WDR7: variants seen among roughly 807,000 people sequenced by gnomAD.
WDR7 encodes the protein WD repeat-containing protein 7.
A neutral mutation model predicts 169.4 loss-of-function variants in WDR7; 46 were observed. The ratio of observed to expected loss-of-function variants is 0.27; its 90% CI spans 0.21 to 0.35. WDR7 has a LOEUF of 0.35. Among genes scored for constraint, WDR7 ranks in the 10% least tolerant of loss-of-function variants. WDR7 has a pLI of 1.00. For synonymous variants in WDR7, 612 were observed against 666.8 expected (o/e 0.92, Z 1.27); for missense variants, 1,534 against 1,859.3 (o/e 0.83, Z 3.22).
intron 14 of WDR7, among the ~76,000 whole-genome samples, chr18:56,756,046 G>T (rs1304269706): frequency 1.3e-5 from 2 of 152,116 alleles, no homozygotes; most frequent in Non-Finnish European, 2.9e-5. Flanking sequence ...AAATAGAAAA[G>T]GGAGCATGGT....
At position 56,867,697 on chromosome 18, in the gene WDR7, A is replaced by T. The variant is rs942126398; in HGVS notation, c.3305-12247A>T. 4.6e-5 allele frequency among the ~76,000 whole-genome samples: 7 copies of T among 152,186 alleles called. 1 individual carries two copies. The East Asian group carries it at 1.3e-3, about 29-fold the overall frequency. On this transcript the variant is annotated intron_variant, in intron 20 of 27. Coordinates refer to ENST00000254442, the MANE Select transcript of WDR7 (RefSeq NM_015285.3). ...ACATTAAACTTTTCCCCTACTGTTT[A>T]TTTCAGGAGTAGTAGCATTTCCAAA...
At chr18:56,855,777 C>T (rs2045711577) in intron 20 of WDR7, among the ~76,000 whole-genome samples, 1 of 152,090 alleles carries the variant, frequency 6.6e-6, no homozygotes, top group Non-Finnish European at 1.5e-5. Context: ...CTTGGTTATT[C>T]TTGGCCCTTT....
chr18:56,711,026 T>A (rs559742304), intron 12 of WDR7, among the ~76,000 whole-genome samples: 3 of 152,218 alleles, frequency 2.0e-5, no homozygotes, highest in Admixed American at 2.0e-4. Flanking sequence ...TTAGTTTTTT[T>A]TTTTAAAAGA....
chr18:56,668,513 AGCT>A (rs1043641945), intron 1 of WDR7, among the ~76,000 whole-genome samples: 2 of 152,172 alleles, frequency 1.3e-5, no homozygotes, highest in African/African-American at 4.8e-5. Context: ...CCCACTGGAT[AGCT>A]GAATTGTGTC....
intron 25 of WDR7, among the ~76,000 whole-genome samples, chr18:56,955,795 A>G (rs2047242776): frequency 6.6e-6 from 1 of 152,266 alleles, no homozygotes; most frequent in East Asian, 1.9e-4. Flanking sequence ...CAATACTTTA[A>G]TAAGTACCAT....
intron 19 of WDR7, among the ~76,000 whole-genome samples, chr18:56,798,307 G>A (rs778748547): frequency 3.9e-4 from 59 of 152,284 alleles, no homozygotes; most frequent in South Asian, 1.2e-3. Flanking sequence ...ACATAACTCA[G>A]TTCACTTGAC....
chr18:56,844,373 A>T (rs186916753), intron 20 of WDR7, among the ~76,000 whole-genome samples: 1 of 152,166 alleles, frequency 6.6e-6, no homozygotes, highest in East Asian at 1.9e-4. Context: ...ATTAGAATAA[A>T]TTTTTCCTCA....
chr18:56,795,885 A>G (rs1451088470), intron 19 of WDR7, among the ~76,000 whole-genome samples: 4 of 152,220 alleles, frequency 2.6e-5, no homozygotes, highest in Non-Finnish European at 5.9e-5. Flanking sequence ...CCAAGTTGAT[A>G]ACACAGTTAC....
rs138144183 is a variant in WDR7, at chr18:56,729,858, A to G, written c.1775-1525A>G. ...CTAAAAGTGTATTACCAGTTTTCTT[A>G]CATACTTGAGAATGCTGAATATCTG... is the stretch of plus-strand genomic sequence containing the variant. On this transcript the variant is annotated intron_variant, in intron 13 of 27. Transcript: ENST00000254442. 4.1e-3 allele frequency among the ~76,000 whole-genome samples: 622 copies of G among 152,324 alleles called. 6 individuals carry two copies. The highest frequency in any genetic ancestry group is 0.028 in the South Asian group (133 of 4,820).
chr18:56,736,022 G>T (rs977605759), intron 14 of WDR7, among the ~76,000 whole-genome samples: 1 of 152,172 alleles, frequency 6.6e-6, no homozygotes, highest in African/African-American at 2.4e-5. Flanking sequence ...GAGTGGTTAA[G>T]AGCCTGGGTT....
intron 26 of WDR7, among the ~76,000 whole-genome samples, chr18:57,019,506 T>C (rs1359124258): frequency 6.6e-6 from 1 of 152,160 alleles, no homozygotes; most frequent in Admixed American, 6.5e-5. Context: ...AGCCCAGTTC[T>C]ATACCAACAT....
At chr18:56,847,773 G>A (rs1463545193) in intron 20 of WDR7, among the ~76,000 whole-genome samples, 1 of 152,228 alleles carries the variant, frequency 6.6e-6, no homozygotes, top group Non-Finnish European at 1.5e-5. Flanking sequence ...ATTCCAGAGG[G>A]CGAAAGCTAT....
chr18:57,012,026 A>G (rs1025519304), intron 26 of WDR7, among the ~76,000 whole-genome samples: 6 of 152,276 alleles, frequency 3.9e-5, no homozygotes, highest in Middle Eastern at 6.8e-3. Context: ...ACTGAGGACC[A>G]GGGAGGGAGG....
At chr18:56,685,128 A>G (rs914484239) in intron 5 of WDR7, among the ~76,000 whole-genome samples, 1 of 152,218 alleles carries the variant, frequency 6.6e-6, no homozygotes, top group African/African-American at 2.4e-5. Flanking sequence ...TGATATTGAT[A>G]AGGTTTTTAT....
At position 56,685,984 on chromosome 18, in the gene WDR7, T is replaced by C; in HGVS notation, c.549T>C (p.Thr183=). The C allele has an allele frequency of 6.2e-7, 1 of 1,602,272 alleles. No homozygotes were observed. The highest frequency in any genetic ancestry group is 8.5e-7 in the Non-Finnish European group (1 of 1,176,224). ...QEDTVVALSV[T]GILKVWIVTS... The stretch of plus-strand genomic sequence containing the variant: ...ACACAGTGGTAGCACTCTCGGTGAC[T>C]GGCATCCTGAAGGTCTGGATTGTTA... Residue 183 remains threonine (T), a synonymous_variant, in exon 6 of 28, where the codon ACT becomes ACC. Transcript: ENST00000254442.
intron 25 of WDR7, among the ~76,000 whole-genome samples, chr18:56,951,639 G>A (rs951353195): frequency 1.3e-5 from 2 of 151,896 alleles, no homozygotes; most frequent in African/African-American, 4.8e-5. Context: ...ATACACACGT[G>A]ATGTATATAT....
intron 22 of WDR7, among the ~76,000 whole-genome samples, chr18:56,927,603 C>T (rs2046824977): frequency 6.6e-6 from 1 of 151,904 alleles, no homozygotes; most frequent in African/African-American, 2.4e-5. Flanking sequence ...AACAGTGAGA[C>T]CCGACTCTTA....
intron 1 of WDR7, among the ~76,000 whole-genome samples, chr18:56,661,588 C>T (rs2024905318): frequency 6.6e-6 from 1 of 152,142 alleles, no homozygotes; most frequent in South Asian, 2.1e-4. Flanking sequence ...AACACTGGGG[C>T]TTCCTTTAAC....
intron 25 of WDR7, among the ~76,000 whole-genome samples, chr18:56,957,724 A>C (rs931917904): frequency 6.6e-5 from 10 of 152,152 alleles, no homozygotes; most frequent in Non-Finnish European, 1.5e-4. Context: ...ATTTTGGGGA[A>C]AAAAAGATAG....
Sources: allele counts gnomAD v4.1 joint callset (sites outside exome capture counted in the v4.1 genomes callset), GRCh38; gene constraint gnomAD v4.1.1; transcripts MANE v1.5; gene names NCBI Gene and HGNC (gene_info 2026-07-23, HGNC 2026-07-21).